The following ARHGAP22 variants were observed in gnomAD, a reference collection of about 807,000 sequenced individuals.
ARHGAP22 encodes rho GTPase-activating protein 22.
ARHGAP22 carries 48 observed loss-of-function variants against 59.1 expected under a neutral mutation model. That is an observed-to-expected ratio of 0.81 (90% CI 0.64 to 1.03). The LOEUF (loss-of-function observed/expected upper bound fraction) is 1.03. Ranked by LOEUF, ARHGAP22 falls within the 50% of genes least tolerant of loss-of-function variation. ARHGAP22 has a pLI of 0.00. For missense variants in ARHGAP22, 1,015 were observed against 958.7 expected (o/e 1.06, Z -0.78); for synonymous variants, 445 against 416.4 (o/e 1.07, Z -0.84).
At chr10:48,484,088 T>C (rs1384491683) in intron 3 of ARHGAP22, among the ~76,000 whole-genome samples, 2 of 152,232 alleles carry the variant, frequency 1.3e-5, no homozygotes, top group Non-Finnish European at 2.9e-5. Flanking sequence ...CTAGTCTCAG[T>C]CTTCTGCATA....
intron 1 of ARHGAP22, among the ~76,000 whole-genome samples, chr10:48,594,785 ACTTCACT>A (rs2059965886): frequency 6.6e-6 from 1 of 152,078 alleles, no homozygotes. Flanking sequence ...ACAGGGGTGT[ACTTCACT>A]CTTCAGTTGG....
rs375147482 is a variant in ARHGAP22 at position 48,544,173 on chromosome 10, C to T, written c.322+11290G>A. 2.2e-3 allele frequency among the ~76,000 whole-genome samples: 339 copies of T among 152,154 alleles called. 3 individuals are homozygous for T. The highest frequency in any genetic ancestry group is 7.8e-3 in the African/African-American group (325 of 41,520). On this transcript the variant is annotated intron_variant, in intron 3 of 9. Coordinates refer to ENST00000249601, the MANE Select transcript of ARHGAP22 (RefSeq NM_021226.4). Reference sequence around the variant, plus strand: ...GGGGTCAGGGGAGAAACTGTCCTGCCGTCTGCATATCGTACTTCACATGAT... The same window carrying T: ...GGGGTCAGGGGAGAAACTGTCCTGCTGTCTGCATATCGTACTTCACATGAT...
upstream of ARHGAP22, chr10:48,605,238 G>A: frequency 2.3e-6 from 2 of 875,894 alleles, no homozygotes; most frequent in Non-Finnish European, 1.4e-6. Context: ...CTTTGCTGAG[G>A]CTGGAAGAAA....
rs76220886 is a variant in ARHGAP22, at chr10:48,629,780, C to T, written c.52+22454G>A. 3.3e-5 allele frequency among the ~76,000 whole-genome samples: 5 copies of T among 152,218 alleles called. No individual in the cohort carries two copies. The East Asian group carries it at 9.7e-4, about 29-fold the overall frequency. On this transcript the variant is annotated intron_variant, in intron 1 of 9. Coordinates refer to the ARHGAP22 transcript ENST00000435790. ...GAGAATTCACTGAATCTATATAGAT[C>T]AATTTGGGAACAATTGACATTTAAA...
At chr10:48,586,568 C>T (rs74130570) in intron 1 of ARHGAP22, among the ~76,000 whole-genome samples, 11,603 of 152,266 alleles carry the variant, frequency 0.076, 479 homozygotes, top group Middle Eastern at 0.11. Context: ...TTAAATGTCA[C>T]TATACACTGC....
chr10:48,582,736 C>T (rs1272984221), intron 2 of ARHGAP22: 1 of 592,332 alleles, frequency 1.7e-6, no homozygotes, highest in Non-Finnish European at 2.9e-6. Context: ...TTTAAGGAAA[C>T]ATTTTCATTG....
chr10:48,480,980 G>A (rs909847778), intron 3 of ARHGAP22, among the ~76,000 whole-genome samples: 5 of 152,352 alleles, frequency 3.3e-5, no homozygotes, highest in South Asian at 2.1e-4. Flanking sequence ...GCACCACAGC[G>A]GGCCCGTGGG....
chr10:48,506,545 G>A (rs1263063456), intron 3 of ARHGAP22, among the ~76,000 whole-genome samples: 1 of 152,140 alleles, frequency 6.6e-6, no homozygotes, highest in Non-Finnish European at 1.5e-5. Flanking sequence ...CTCCTTCCTG[G>A]AGGCCAGGTA....
chr10:48,504,626 T>G (rs1000175907), intron 3 of ARHGAP22, among the ~76,000 whole-genome samples: 1 of 152,096 alleles, frequency 6.6e-6, no homozygotes, highest in African/African-American at 2.4e-5. Context: ...GGTTGGCAGA[T>G]GGACAGGAGA....
intron 1 of ARHGAP22, among the ~76,000 whole-genome samples, chr10:48,622,359 T>C (rs1407425612): frequency 6.6e-6 from 1 of 152,154 alleles, no homozygotes; most frequent in Non-Finnish European, 1.5e-5. Flanking sequence ...TTTGGTTGGG[T>C]TTGAGTTTTT....
intron 1 of ARHGAP22, among the ~76,000 whole-genome samples, chr10:48,623,789 A>G (rs1195482157): frequency 1.3e-5 from 2 of 152,230 alleles, no homozygotes; most frequent in Non-Finnish European, 2.9e-5. Flanking sequence ...TGGGGAGCAC[A>G]TCCTGAAATA....
At chr10:48,543,839 A>C (rs2056187589) in intron 3 of ARHGAP22, among the ~76,000 whole-genome samples, 1 of 152,102 alleles carries the variant, frequency 6.6e-6, no homozygotes, top group African/African-American at 2.4e-5. Context: ...AAAAAGAGAG[A>C]GGCTGGGCGT....
At chr10:48,586,867 T>C (rs1434985122) in intron 1 of ARHGAP22, among the ~76,000 whole-genome samples, 1 of 152,198 alleles carries the variant, frequency 6.6e-6, no homozygotes, top group Non-Finnish European at 1.5e-5. Flanking sequence ...CTCAGTGGCA[T>C]ACAATCCTGG....
chr10:48,438,800 CTG>C, the ARHGAP22 span: 2 of 152,136 alleles, frequency 1.3e-5, no homozygotes, highest in African/African-American at 2.4e-5. Flanking sequence ...AAATCTTTGA[CTG>C]TATGTCTTGC....
intron 4 of ARHGAP22, chr10:48,466,823 A>G (rs1867581): frequency 1 from 152,152 of 152,152 alleles, 76,076 homozygotes; most frequent in Non-Finnish European, 1. Flanking sequence ...AGTTGCCTGG[A>G]ATGCCACGCC....
At chr10:48,542,166 G>A (rs567404352) in intron 3 of ARHGAP22, among the ~76,000 whole-genome samples, 1 of 152,258 alleles carries the variant, frequency 6.6e-6, no homozygotes, top group South Asian at 2.1e-4. Context: ...GAGCTCTGAG[G>A]GCCAGTGCAT....
chr10:48,602,757 T>C (rs879616803), intron 1 of ARHGAP22, among the ~76,000 whole-genome samples: 1 of 152,158 alleles, frequency 6.6e-6, no homozygotes, highest in East Asian at 1.9e-4. Flanking sequence ...GTGACAGATA[T>C]TCACCAATCA....
At chr10:48,443,088 G>GA (rs2045240008), downstream of ARHGAP22, among the ~76,000 whole-genome samples, 1 of 152,128 alleles carries the variant, frequency 6.6e-6, no homozygotes, top group African/African-American at 2.4e-5. Context: ...AAAGCTGGGG[G>GA]ATGCTATGTA....
At chr10:48,441,137 G>A (rs1192146010), downstream of ARHGAP22, among the ~76,000 whole-genome samples, 1 of 152,202 alleles carries the variant, frequency 6.6e-6, no homozygotes, top group African/African-American at 2.4e-5. Flanking sequence ...TCCCTCACCT[G>A]CCTGTAGACC....
Sources: allele counts gnomAD v4.1 joint callset (sites outside exome capture counted in the v4.1 genomes callset), GRCh38; gene constraint gnomAD v4.1.1; transcripts MANE v1.5; gene names NCBI Gene and HGNC (gene_info 2026-07-23, HGNC 2026-07-21).